The following VPS13C variants were observed in gnomAD, a reference collection of about 807,000 sequenced individuals.
The protein encoded by VPS13C is vacuolar protein sorting 13 homolog C, also known as intermembrane lipid transfer protein VPS13C.
VPS13C carries 358 observed loss-of-function variants against 456.8 expected under a neutral mutation model. The ratio of observed to expected loss-of-function variants is 0.78; its 90% CI spans 0.72 to 0.86. The LOEUF is 0.86. Ranked by LOEUF, VPS13C falls within the 40% of genes least tolerant of loss-of-function variation. The pLI is 0.00. For missense variants in VPS13C, 4,818 were observed against 4,385.4 expected, an observed-to-expected ratio of 1.10 and a Z score of -2.79; for synonymous variants, 1,578 against 1,486.7, an observed-to-expected ratio of 1.06 and a Z score of -1.41.
chr15:61,861,449 G>A (rs1241422702), intron 82 of VPS13C, among the ~76,000 whole-genome samples: 1 of 152,132 alleles, frequency 6.6e-6, no homozygotes, highest in Non-Finnish European at 1.5e-5. Context: ...ACACAGTATG[G>A]CCCTTAAAGT....
At chr15:62,058,036 G>A (rs1335368935) in intron 1 of VPS13C, among the ~76,000 whole-genome samples, 2 of 152,100 alleles carry the variant, frequency 1.3e-5, no homozygotes, top group Non-Finnish European at 2.9e-5. Context: ...TGAAATATGA[G>A]TAATTACATG....
At chr15:61,960,250 A>G (rs1416190331) in intron 35 of VPS13C, among the ~76,000 whole-genome samples, 1 of 152,184 alleles carries the variant, frequency 6.6e-6, no homozygotes, top group Non-Finnish European at 1.5e-5. Flanking sequence ...ACCGGACTGT[A>G]GTCTTCAAAA....
intron 9 of VPS13C, among the ~76,000 whole-genome samples, chr15:62,017,199 G>A (rs886662902): frequency 2.0e-5 from 3 of 151,826 alleles, no homozygotes; most frequent in Non-Finnish European, 2.9e-5. Context: ...TTTGTCAGAT[G>A]AGTAGGTTGC....
chr15:61,856,495 G>C, intron 82 of VPS13C, 86 bp from the exon 83 acceptor site: 1 of 1,492,888 alleles, frequency 6.7e-7, no homozygotes, highest in East Asian at 2.4e-5. Flanking sequence ...GGATGGCAGA[G>C]GTAGCACTTG....
intron 66 of VPS13C, among the ~76,000 whole-genome samples, chr15:61,900,920 C>G (rs892180155): frequency 1.3e-5 from 2 of 151,750 alleles, no homozygotes; most frequent in African/African-American, 4.8e-5. Context: ...AGATAAAGAT[C>G]AATGGAACAG....
chr15:61,987,090 A>G (rs2046079338), intron 18 of VPS13C, among the ~76,000 whole-genome samples: 1 of 152,272 alleles, frequency 6.6e-6, no homozygotes, highest in East Asian at 1.9e-4. Flanking sequence ...AATTTTCCCC[A>G]TAATAATTTA....
chr15:62,050,296 T>A (rs1211388158), intron 1 of VPS13C, among the ~76,000 whole-genome samples: 1 of 152,138 alleles, frequency 6.6e-6, no homozygotes, highest in Admixed American at 6.5e-5. Flanking sequence ...AGGTGACAGA[T>A]AAGGAAATTC....
intron 21 of VPS13C, among the ~76,000 whole-genome samples, 199 bp from the exon 22 acceptor site, chr15:61,981,677 G>T (rs958767656): frequency 6.6e-6 from 1 of 152,058 alleles, no homozygotes. Flanking sequence ...TGGCTAACAC[G>T]GTGAAACCCC....
rs372533465 is a variant in VPS13C at position 61,977,144 on chromosome 15, T to G, written c.2346A>C (p.Gln782His). ...FQHPSTMHIL[Q>H]PMDIHVELAK... ...CCAACTCAACATGAATATCCATGGG[T>G]TGCAATATATGCATAGTTGATGGAT... Residue 782 changes from glutamine (Q) to histidine (H), a missense_variant, in exon 24 of 85, where the codon CAA becomes CAC. Physicochemically the swap from Gln to His is conservative, Grantham distance 24 (BLOSUM62 0). Transcript: ENST00000644861. 6.3e-7 allele frequency: 1 copy of G among 1,598,814 alleles called. No individual in the cohort carries two copies. The highest frequency in any genetic ancestry group is 1.1e-5 in the South Asian group (1 of 88,176).
In VPS13C at chr15:61,881,631, C is replaced by A. The variant is rs1895856611; in HGVS notation, c.9708G>T (p.Glu3236Asp). 1 of 1,612,374 alleles carries A rather than the reference C, an allele frequency of 6.2e-7. No individual in the cohort carries two copies. Among genetic ancestry groups the A allele is most frequent in the South Asian group, 1.1e-5 (1 of 90,888 alleles). Residue 3236 changes from glutamate to aspartate, a missense_variant and splice_region_variant, in exon 71 of 85, where the codon GAG (glutamate) becomes GAT (aspartate). Around this residue, in one of 3 missense-constraint regions of VPS13C, gnomAD observed 4,552 missense variants for 4,130.6 expected, o/e 1.10. Transcript: ENST00000644861. ...CACTCACATCAATGAAAGGCTTGGG[C>A]TCTAAGAGGAAGAAGTAACACATAA... Reference protein sequence around the residue: ...APPKSIALDSEPKPFIDVSVI... With the variant: ...APPKSIALDSDPKPFIDVSVI...
chr15:61,954,783 T>C (rs955380493), intron 37 of VPS13C, among the ~76,000 whole-genome samples: 2 of 152,168 alleles, frequency 1.3e-5, no homozygotes, highest in Admixed American at 1.3e-4. Context: ...CAAATGTTAA[T>C]AGACTCTATA....
chr15:61,861,247 A>C (rs972655828), intron 82 of VPS13C, among the ~76,000 whole-genome samples: 1 of 152,058 alleles, frequency 6.6e-6, no homozygotes, highest in South Asian at 2.1e-4. Context: ...TACAGGCTTA[A>C]GCCACCACAC....
intron 22 of VPS13C, 131 bp from the exon 23 acceptor site, chr15:61,978,880 G>T: frequency 1.3e-6 from 1 of 742,352 alleles, no homozygotes; most frequent in Non-Finnish European, 2.0e-6. Context: ...TGCTCTTAAT[G>T]AATAAACATT....
rs370281523 is a variant in VPS13C, at chr15:62,014,004, A to G, written c.685-12T>C. 26 of 1,606,108 alleles carry G rather than the reference A, an allele frequency of 1.6e-5. No individual in the cohort carries two copies. The African/African-American group carries it at 3.3e-4, about 21-fold the overall frequency. On this transcript the variant is annotated splice_polypyrimidine_tract_variant and intron_variant, in intron 9 of 84. Transcript: ENST00000644861. ...TGTTCATTTGCAGTCTAAAAGAAAA[A>G]AGGGAATACCTGTGAAACGTGGTAT...
rs1330862237 is a variant in VPS13C at position 62,060,447 on chromosome 15, C to G, written c.-73G>C. On this transcript the variant is annotated 5_prime_UTR_variant, in exon 1 of 85. Transcript: ENST00000644861. ...CAGCTGAGGGCTGCGACCAGCGCTG[C>G]AAATGACAGCCCCTCCGGCGCAGGC... The G allele has an allele frequency of 1.4e-6, 1 of 727,658 alleles. No homozygotes were observed. The highest frequency in any genetic ancestry group is 2.2e-6 in the Non-Finnish European group (1 of 450,988). The allele number at this position is 727,658 out of a possible 1,614,324, so 45.1% of individuals were successfully genotyped here. A position where few individuals can be genotyped will look rare whatever the true frequency, so the allele number is the denominator to read the frequency against.
intron 6 of VPS13C, among the ~76,000 whole-genome samples, chr15:62,025,709 T>A (rs2047614275): frequency 6.6e-6 from 1 of 152,104 alleles, no homozygotes. Flanking sequence ...TTAGAGAAAG[T>A]TTCTAATTAA....
At chr15:61,902,343 CAA>C (rs34031918) in intron 66 of VPS13C, among the ~76,000 whole-genome samples, 5 of 148,998 alleles carry the variant, frequency 3.4e-5, no homozygotes, top group African/African-American at 1.2e-4. Context: ...TCCAACTCTT[CAA>C]AAAAAAAACT....
intron 5 of VPS13C, among the ~76,000 whole-genome samples, chr15:62,033,169 T>C (rs751039723): frequency 2.6e-5 from 4 of 151,546 alleles, no homozygotes; most frequent in South Asian, 2.1e-4. Context: ...TACTGAAAAT[T>C]TGGAAAGTCT....
At chr15:62,037,304 A>ACAT (rs1567136875) in intron 3 of VPS13C, among the ~76,000 whole-genome samples, 1 of 78,936 alleles carries the variant, frequency 1.3e-5, no homozygotes, top group Non-Finnish European at 2.2e-5. Flanking sequence ...TATATAATAT[A>ACAT]TATATAAATA....
Sources: allele counts gnomAD v4.1 joint callset (sites outside exome capture counted in the v4.1 genomes callset), GRCh38; gene constraint gnomAD v4.1.1; regional missense constraint gnomAD v4.1.1; transcripts MANE v1.5; gene names NCBI Gene and HGNC (gene_info 2026-07-23, HGNC 2026-07-21).